PLCL2: variants seen among roughly 807,000 people sequenced by gnomAD.
PLCL2 encodes phospholipase C like 2, also known as inactive phospholipase C-like protein 2.
In PLCL2, 4 loss-of-function variants were observed where a neutral mutation model predicts 79.6. That is an observed-to-expected ratio of 0.05 (90% CI 0.02 to 0.11). The LOEUF is 0.11. Among genes scored for constraint, PLCL2 ranks in the 10% least tolerant of loss-of-function variants. The pLI is 1.00. For missense variants in PLCL2, 895 were observed against 1,291.0 expected, an observed-to-expected ratio of 0.69 and a Z score of 4.70; for synonymous variants, 484 against 457.7, an observed-to-expected ratio of 1.06 and a Z score of -0.73.
intron 1 of PLCL2, among the ~76,000 whole-genome samples, chr3:16,974,171 G>C (rs1461317691): frequency 5.3e-5 from 8 of 152,166 alleles, no homozygotes; most frequent in Non-Finnish European, 1.2e-4. Context: ...GCCAGTCCTT[G>C]CAGGGACTTG....
chr3:16,936,608 G>A (rs1038913903), intron 1 of PLCL2, among the ~76,000 whole-genome samples: 3 of 152,200 alleles, frequency 2.0e-5, no homozygotes, highest in Non-Finnish European at 4.4e-5. Context: ...AAATCTAAGT[G>A]TAATTTTATT....
intron 5 of PLCL2, among the ~76,000 whole-genome samples, chr3:17,074,548 G>T (rs1214517570): frequency 6.6e-6 from 1 of 152,170 alleles, no homozygotes; most frequent in Non-Finnish European, 1.5e-5. Context: ...TTGAACCCTT[G>T]AAGCCAAGCA....
intron 1 of PLCL2, among the ~76,000 whole-genome samples, chr3:16,991,003 G>T (rs2064099355): frequency 6.6e-6 from 1 of 152,170 alleles, no homozygotes; most frequent in Non-Finnish European, 1.5e-5. Flanking sequence ...CAGAGGGGAT[G>T]CAGCGTTTGC....
At chr3:17,007,397 A>G (rs1412936793) in intron 1 of PLCL2, among the ~76,000 whole-genome samples, 1 of 152,216 alleles carries the variant, frequency 6.6e-6, no homozygotes, top group Non-Finnish European at 1.5e-5. Flanking sequence ...AACTCACTCA[A>G]ATTGATGTAA....
intron 1 of PLCL2, among the ~76,000 whole-genome samples, chr3:16,993,877 A>G (rs1262231560): frequency 1.3e-5 from 2 of 152,200 alleles, no homozygotes; most frequent in Non-Finnish European, 2.9e-5. Context: ...ATAAAATGGT[A>G]TAGAGACCCT....
chr3:16,972,784 G>A (rs1008333124), intron 1 of PLCL2, among the ~76,000 whole-genome samples: 1 of 151,976 alleles, frequency 6.6e-6, no homozygotes, highest in African/African-American at 2.4e-5. Flanking sequence ...AATCTGTTTT[G>A]TCTGAAATTA....
At chr3:17,087,347 G>A (rs1559293989) in intron 5 of PLCL2, among the ~76,000 whole-genome samples, 1 of 152,228 alleles carries the variant, frequency 6.6e-6, no homozygotes, top group Non-Finnish European at 1.5e-5. Context: ...GAGCTATCAA[G>A]CCATGAGACG....
chr3:17,030,205 G>C (rs532563535), intron 3 of PLCL2, among the ~76,000 whole-genome samples: 1 of 152,220 alleles, frequency 6.6e-6, no homozygotes, highest in South Asian at 2.1e-4. Context: ...GGGATTACAG[G>C]TGTGAGCCAC....
intron 3 of PLCL2, among the ~76,000 whole-genome samples, chr3:17,040,765 A>G (rs998754793): frequency 6.6e-6 from 1 of 152,218 alleles, no homozygotes; most frequent in Non-Finnish European, 1.5e-5. Context: ...ATTAGAACCC[A>G]TGTAAATCTT....
At chr3:16,939,805 C>G (rs1396370597) in intron 1 of PLCL2, among the ~76,000 whole-genome samples, 2 of 152,214 alleles carry the variant, frequency 1.3e-5, no homozygotes, top group East Asian at 1.9e-4. Context: ...CCGTGTTTTC[C>G]TACGAAGTAA....
chr3:16,980,404 T>G (rs1211265328), intron 1 of PLCL2, among the ~76,000 whole-genome samples: 2 of 145,048 alleles, frequency 1.4e-5, no homozygotes, highest in African/African-American at 5.2e-5. Context: ...CCGGAGGGGC[T>G]CCTCACTTCT....
intron 4 of PLCL2, chr3:17,044,236 TG>T (rs1428336190): frequency 6.6e-6 from 1 of 152,304 alleles, no homozygotes; most frequent in African/African-American, 2.4e-5. Flanking sequence ...TTCTGGAGAG[TG>T]AGGGAGGAAG....
intron 3 of PLCL2, among the ~76,000 whole-genome samples, chr3:17,022,752 CT>C (rs1213193816): frequency 3.3e-5 from 5 of 152,138 alleles, no homozygotes; most frequent in Non-Finnish European, 2.9e-5. Flanking sequence ...CTAGTTGAGC[CT>C]TTAATCACCT....
Position 17,010,013 on chromosome 3 carries a change from G to A in PLCL2, c.667G>A (p.Gly223Arg), listed in dbSNP as rs780485591. ...AGATTGTGCGTTTTCCGTCATATATGGAGAGAATTATGAGTCACTGGATTT... is the reference window on the plus strand; with the variant it reads ...AGATTGTGCGTTTTCCGTCATATATAGAGAGAATTATGAGTCACTGGATTT... ...SEDCAFSVIYGENYESLDLVA... is the reference protein window; with the variant it reads ...SEDCAFSVIYRENYESLDLVA... Residue 223 changes from glycine (G) to arginine (R), a missense_variant, in exon 2 of 6, where the codon GGA (glycine) becomes AGA (arginine). By Grantham distance (125) the Gly-to-Arg change is moderately radical. Transcript: ENST00000615277. This position sits in a 1 kb window ranked among gnomAD's most constrained non-coding sequence, Gnocchi z 5.8. The A allele has an allele frequency of 5.6e-6, 9 of 1,613,776 alleles. No individual in the cohort carries two copies. Among genetic ancestry groups the A allele is most frequent in the Non-Finnish European group, 7.6e-6 (9 of 1,179,818 alleles).
chr3:17,081,544 G>T (rs2065162539), intron 5 of PLCL2: 1 of 222,112 alleles, frequency 4.5e-6, no homozygotes, highest in South Asian at 6.3e-5. Context: ...ACTTGTGATT[G>T]TTAAATGGCT....
intron 1 of PLCL2, among the ~76,000 whole-genome samples, chr3:16,997,982 A>G (rs2064170946): frequency 6.6e-6 from 1 of 152,188 alleles, no homozygotes; most frequent in Non-Finnish European, 1.5e-5. Flanking sequence ...CTTAATTTTA[A>G]AATAATTATG....
chr3:17,089,318 A>G (rs1334372329), intron 5 of PLCL2, among the ~76,000 whole-genome samples: 5 of 152,216 alleles, frequency 3.3e-5, no homozygotes, highest in Non-Finnish European at 7.3e-5. Context: ...AAGGGTATAC[A>G]AGACCTCTCT....
chr3:16,987,967 G>A (rs1440060122), intron 1 of PLCL2, among the ~76,000 whole-genome samples: 1 of 152,164 alleles, frequency 6.6e-6, no homozygotes, highest in Non-Finnish European at 1.5e-5. Context: ...TGCTTTGTAA[G>A]GATTTTGATG....
chr3:16,976,825 C>T (rs1016458996), intron 1 of PLCL2, among the ~76,000 whole-genome samples: 4 of 152,204 alleles, frequency 2.6e-5, no homozygotes, highest in Non-Finnish European at 5.9e-5. Flanking sequence ...CATTGGCCCA[C>T]ACTAGGGTGG....
Sources: gnomAD v4.1 joint callset for allele counts (sites outside exome capture counted in the v4.1 genomes callset) on GRCh38, gnomAD v4.1.1 for gene constraint, Gnocchi (gnomAD v3.1) non-coding constraint, MANE v1.5 for transcripts, NCBI Gene and HGNC (gene_info 2026-07-23, HGNC 2026-07-21) for gene names.